NAA40: variants seen among roughly 807,000 people sequenced by gnomAD.
The protein encoded by NAA40 is N-alpha-acetyltransferase 40, NatD catalytic subunit.
NAA40 carries 26 observed loss-of-function variants against 36.6 expected under a neutral mutation model. That is an observed-to-expected ratio of 0.71 (90% confidence interval 0.52 to 0.98). The LOEUF is 0.98. Among genes scored for constraint, NAA40 ranks in the 50% least tolerant of loss-of-function variants. The pLI, the probability that NAA40 is intolerant of heterozygous loss-of-function variation, is 0.00. For synonymous variants in NAA40, 129 were observed against 108.4 expected (o/e 1.19, Z -1.18); for missense variants, 237 against 306.5 (o/e 0.77, Z 1.69).
At position 63,945,462 on chromosome 11, in the gene NAA40, C is replaced by T. The variant is rs115260102; in HGVS notation, c.7-378C>T. 1.2e-3 allele frequency among the ~76,000 whole-genome samples: 185 copies of T among 152,316 alleles called. 1 individual carries two copies. The highest frequency in any genetic ancestry group is 4.3e-3 in the African/African-American group (180 of 41,572). ...CTTAGATGCTGTCTCCTCCCTGAAG[C>T]GGTCTTCAGTGTGTCTAAAGTTGGG... On this transcript the variant is annotated intron_variant, in intron 1 of 7. Coordinates refer to ENST00000377793, the MANE Select transcript of NAA40 (RefSeq NM_024771.4).
At chr11:63,951,862 G>A (rs1241354318) in intron 3 of NAA40, among the ~76,000 whole-genome samples, 2 of 152,132 alleles carry the variant, frequency 1.3e-5, no homozygotes, top group Non-Finnish European at 2.9e-5. Context: ...AATGCCTAAG[G>A]GCAGGAACTA....
intron 7 of NAA40, 52 bp from the exon 8 acceptor site, chr11:63,954,286 G>A: frequency 6.5e-7 from 1 of 1,542,920 alleles, no homozygotes; most frequent in Non-Finnish European, 8.7e-7. Flanking sequence ...GGGCCAGGGA[G>A]GAAGGCACTC....
At chr11:63,941,014 G>T (rs909513118) in intron 1 of NAA40, among the ~76,000 whole-genome samples, 2 of 152,176 alleles carry the variant, frequency 1.3e-5, no homozygotes, top group African/African-American at 4.8e-5. Flanking sequence ...ACACTTCCTC[G>T]TTGGTTGGAC....
rs1052933359 is a variant in NAA40 at position 63,940,378 on chromosome 11, C to T, written c.6+1276C>T. On this transcript the variant is annotated intron_variant, in intron 1 of 7. Coordinates refer to ENST00000377793, the MANE Select transcript of NAA40 (RefSeq NM_024771.4). ...TAGTATTTACATGGAATTTCCATCA[C>T]CTTAAGGGAACCCTGACTTTGGAGC... 2.6e-5 allele frequency among the ~76,000 whole-genome samples: 4 copies of T among 152,178 alleles called. No homozygotes were observed. In the East Asian group the frequency reaches 5.8e-4, roughly 22 times the overall value.
chr11:63,940,613 C>A (rs937712649), intron 1 of NAA40, among the ~76,000 whole-genome samples: 1 of 152,070 alleles, frequency 6.6e-6, no homozygotes, highest in Non-Finnish European at 1.5e-5. Flanking sequence ...TTGTCTGTAT[C>A]CTCAGCCTTA....
chr11:63,953,863 C>G, intron 6 of NAA40, 109 bp from the exon 7 acceptor site: 3 of 905,440 alleles, frequency 3.3e-6, no homozygotes, highest in Non-Finnish European at 5.2e-6. Context: ...CTCCTGGGCT[C>G]AAATGATCCT....
Position 63,952,460 on chromosome 11 carries a change from CAG to C in NAA40, c.307_308del (p.Asp103Ter). The stretch of plus-strand genomic sequence containing the variant: ...GACCGAGAGAAACGGGAGGAAATGA[CAG>C]ATGACCGAGCCTGGTACCTCATCGC... On this transcript the variant is annotated frameshift_variant, in exon 5 of 8. Transcript: ENST00000377793. LOFTEE classifies it high-confidence loss of function. 6.2e-7 allele frequency: 1 copy of C among 1,614,184 alleles called. No individual in the cohort carries two copies. Among genetic ancestry groups the C allele is most frequent in the Non-Finnish European group, 8.5e-7 (1 of 1,180,032 alleles).
chr11:63,952,635 G>T, intron 5 of NAA40, 70 bp downstream of exon 5: 2 of 1,605,454 alleles, frequency 1.2e-6, no homozygotes, highest in South Asian at 2.2e-5. Flanking sequence ...CCAGCCAGGT[G>T]ACAAAGCCCC....
intron 1 of NAA40, among the ~76,000 whole-genome samples, chr11:63,941,010 C>G (rs139243912): frequency 6.6e-6 from 1 of 152,190 alleles, no homozygotes; most frequent in Non-Finnish European, 1.5e-5. Flanking sequence ...TTCAACACTT[C>G]CTCGTTGGTT....
chr11:63,939,516 A>C, intron 1 of NAA40: 2 of 999,522 alleles, frequency 2.0e-6, no homozygotes, highest in Non-Finnish European at 2.4e-6. Flanking sequence ...GCCCAGAGGA[A>C]AGAAGGCGCC....
Position 63,955,878 on chromosome 11 carries a change from G to A in NAA40, c.*1399G>A, listed in dbSNP as rs1488103453. 2.0e-5 allele frequency: 3 copies of A among 152,298 alleles called. No homozygotes were observed. Among genetic ancestry groups the A allele is most frequent in the Non-Finnish European group, 2.9e-5 (2 of 68,074 alleles). The allele number at this position is 152,298 out of a possible 1,614,324, so 9.4% of individuals were successfully genotyped here. The stretch of plus-strand genomic sequence containing the variant: ...TTTGGATATCCCTGAGCTCTGCTGT[G>A]GGGAGTATCATAAAGGTTCTAGCCT... On this transcript the variant is annotated 3_prime_UTR_variant, in exon 8 of 8. Coordinates refer to ENST00000377793, the MANE Select transcript of NAA40 (RefSeq NM_024771.4).
At position 63,954,309 on chromosome 11, in the gene NAA40, C is replaced by T. The variant is rs1249850207; in HGVS notation, c.573-29C>T. On this transcript the variant is annotated intron_variant, in intron 7 of 7. Transcript: ENST00000377793. ...GAGGAAGGCACTCAGCTGCCTGCCA[C>T]CAACCCTTTTCTCCTGCCTGCCTTG... 4 of 1,562,264 alleles carry T rather than the reference C, an allele frequency of 2.6e-6. 1 individual carries two copies. In the African/African-American group the frequency reaches 5.4e-5, roughly 21 times the overall value.
At chr11:63,946,736 C>T (rs1268155354) in intron 2 of NAA40, 1 of 1,526,830 alleles carries the variant, frequency 6.5e-7, no homozygotes, top group Admixed American at 2.0e-5. Context: ...TGATGCCAAA[C>T]TTAACTCTCC....
intron 1 of NAA40, among the ~76,000 whole-genome samples, chr11:63,940,154 G>C (rs541491490): frequency 1.1e-4 from 16 of 146,900 alleles, no homozygotes; most frequent in Non-Finnish European, 1.9e-4. Context: ...GGGTTCAAGC[G>C]GTTCTCCTGC....
intron 1 of NAA40, among the ~76,000 whole-genome samples, chr11:63,945,085 C>T (rs535078122): frequency 8.5e-5 from 13 of 152,230 alleles, no homozygotes; most frequent in African/African-American, 3.1e-4. Flanking sequence ...GGGCAATTTG[C>T]CATTCGCTGC....
chr11:63,951,775 G>A (rs1490283761), intron 3 of NAA40, among the ~76,000 whole-genome samples: 4 of 152,152 alleles, frequency 2.6e-5, no homozygotes, highest in African/African-American at 7.2e-5. Context: ...TTTTGAAGGC[G>A]CAATTGGTAG....
At chr11:63,944,845 G>A (rs746286082) in intron 1 of NAA40, among the ~76,000 whole-genome samples, 27 of 146,606 alleles carry the variant, frequency 1.8e-4, no homozygotes, top group Non-Finnish European at 3.0e-4. Context: ...AGAGGCTGCC[G>A]TGAACCGAGA....
chr11:63,950,009 G>C (rs1240197826), intron 3 of NAA40, among the ~76,000 whole-genome samples: 7 of 152,002 alleles, frequency 4.6e-5, no homozygotes, highest in Admixed American at 4.6e-4. Context: ...CTCCCAAAGT[G>C]CTGGGATTAC....
rs756459802 is a variant in NAA40 at position 63,954,440 on chromosome 11, C to T, written c.675C>T (p.His225=). The T allele has an allele frequency of 1.4e-5, 22 of 1,612,126 alleles. No homozygotes were observed. In the East Asian group the frequency reaches 4.5e-4, roughly 33 times the overall value. ...SRRTKFGDSH[H]SHAGGHCGGC... is the part of the protein sequence containing the mutation. ...GGACCAAGTTTGGGGACAGCCATCA[C>T]TCCCACGCGGGTGGGCACTGTGGTG... Residue 225 remains histidine, a synonymous_variant, in exon 8 of 8, where the codon CAC becomes CAT. Coordinates refer to ENST00000377793, the MANE Select transcript of NAA40 (RefSeq NM_024771.4).
Sources: gnomAD v4.1 joint callset for allele counts (sites outside exome capture counted in the v4.1 genomes callset) on GRCh38, gnomAD v4.1.1 for gene constraint, MANE v1.5 for transcripts, NCBI Gene and HGNC (gene_info 2026-07-23, HGNC 2026-07-21) for gene names.